The following ZNF71 variants were observed in gnomAD, a reference collection of about 807,000 sequenced individuals.
The protein encoded by ZNF71 is endothelial zinc finger protein induced by tumor necrosis factor alpha.
ZNF71 carries 3 observed loss-of-function variants against 6.7 expected under a neutral mutation model. The observed-to-expected ratio is 0.45, with a 90% confidence interval of 0.20 to 1.16. The LOEUF (loss-of-function observed/expected upper bound fraction) is 1.16. Among genes scored for constraint, ZNF71 ranks in the 50% most tolerant of loss-of-function variants. The probability of loss-of-function intolerance (pLI) is 0.25; values close to 1 mark genes in which losing one functional copy is unlikely to be tolerated. For synonymous variants in ZNF71, 343 were observed against 311.1 expected, an observed-to-expected ratio of 1.10 and a Z score of -1.08; for missense variants, 688 against 728.6, an observed-to-expected ratio of 0.94 and a Z score of 0.64.
intron 3 of ZNF71, 63 bp downstream of exon 3, chr19:56,614,001 T>TAAA: frequency 1.1e-6 from 1 of 904,346 alleles, no homozygotes. Context: ...ACAAATAAAT[T>TAAA]AAAAAAAAAA....
Position 56,618,324 on chromosome 19 carries a change from G to C in ZNF71, c.161-2944G>C, listed in dbSNP as rs1277267264. Reference sequence around the variant, plus strand: ...AGGATGGTCATAACTATCTACTACTGTATGTAACTCAAGTATGATTGTGAG... The same window carrying C: ...AGGATGGTCATAACTATCTACTACTCTATGTAACTCAAGTATGATTGTGAG... On this transcript the variant is annotated intron_variant, in intron 3 of 3. Coordinates refer to ENST00000599599, the MANE Select transcript of ZNF71 (RefSeq NM_001370215.1). The surrounding 1 kb of genome is among the most constrained non-coding windows in gnomAD (Gnocchi z 4.6). Among the ~76,000 whole-genome samples the C allele has an allele frequency of 6.6e-6, 1 of 152,150 alleles. No individual in the cohort carries two copies. Among genetic ancestry groups the C allele is most frequent in the South Asian group, 2.1e-4 (1 of 4,826 alleles).
At position 56,598,808 on chromosome 19, in the gene ZNF71, T is replaced by C. The variant is rs966880454; in HGVS notation, c.-52-2699T>C. On this transcript the variant is annotated intron_variant, in intron 1 of 3. Coordinates refer to ENST00000599599, the MANE Select transcript of ZNF71 (RefSeq NM_001370215.1). This position sits in a 1 kb window ranked among gnomAD's most constrained non-coding sequence, Gnocchi z 4.2. ...TTCTGCCAACTTGGCCTTATATATATGCCCCCCTACAATTAAAATTACTTT... is the reference window on the plus strand; with the variant it reads ...TTCTGCCAACTTGGCCTTATATATACGCCCCCCTACAATTAAAATTACTTT... Among the ~76,000 whole-genome samples the C allele has an allele frequency of 6.9e-6, 1 of 145,052 alleles. No individual in the cohort carries two copies. The highest frequency in any genetic ancestry group is 2.7e-5 in the African/African-American group (1 of 37,626).
chr19:56,597,382 T>C (rs1238917780), intron 1 of ZNF71, among the ~76,000 whole-genome samples: 1 of 152,176 alleles, frequency 6.6e-6, no homozygotes, highest in Non-Finnish European at 1.5e-5. Context: ...GGGAAACAAT[T>C]CAAAGGAAGA....
At position 56,622,007 on chromosome 19, in the gene ZNF71, G is replaced by A; in HGVS notation, c.900G>A (p.Lys300=). 2 of 1,613,248 alleles carry A rather than the reference G, an allele frequency of 1.2e-6. No homozygotes were observed. The highest frequency in any genetic ancestry group is 2.7e-5 in the African/African-American group (2 of 74,992). The change falls in exon 4 of 4, where the codon AAG becomes AAA. Residue 300 remains lysine, a synonymous_variant. Coordinates refer to ENST00000599599, the MANE Select transcript of ZNF71 (RefSeq NM_001370215.1). ...TQHERIHTGE[K]PYACGDCGKA... ...ACGAGCGGATCCACACGGGGGAGAA[G>A]CCCTACGCGTGCGGGGACTGCGGCA...
chr19:56,619,473 A>C (rs540868424), intron 3 of ZNF71, among the ~76,000 whole-genome samples: 1 of 152,306 alleles, frequency 6.6e-6, no homozygotes, highest in African/African-American at 2.4e-5. Flanking sequence ...TTTTTTAAAA[A>C]ATGTTTTTCA....
intron 2 of ZNF71, among the ~76,000 whole-genome samples, chr19:56,606,143 A>T (rs886298001): frequency 1.3e-5 from 2 of 152,210 alleles, no homozygotes; most frequent in Non-Finnish European, 2.9e-5. Flanking sequence ...AGTTATTTTT[A>T]TCATTATTTA....
Position 56,622,597 on chromosome 19 carries a change from C to T in ZNF71, c.1490C>T (p.Pro497Leu). The change falls in exon 4 of 4, where the codon CCG (proline) becomes CTG (leucine). Residue 497 changes from proline (P) to leucine (L), a missense_variant. By Grantham distance (98) the Pro-to-Leu change is moderately conservative. Transcript: ENST00000599599. ...CAGCGGATCCACACCGGCGAGAAGC[C>T]GTACAGGTGCGGCCAGTGCGGGAAG... The part of the protein sequence containing the change: ...EHQRIHTGEK[P>L]YRCGQCGKSF... 1 of 1,613,678 alleles carries T rather than the reference C, an allele frequency of 6.2e-7. No individual in the cohort carries two copies. The highest frequency in any genetic ancestry group is 8.5e-7 in the Non-Finnish European group (1 of 1,179,648).
chr19:56,599,854 C>T (rs1041219002), intron 1 of ZNF71, among the ~76,000 whole-genome samples: 6 of 151,768 alleles, frequency 4.0e-5, no homozygotes, highest in African/African-American at 9.7e-5. Flanking sequence ...CCACCACACC[C>T]GGCTAATTTT....
intron 2 of ZNF71, among the ~76,000 whole-genome samples, chr19:56,606,979 A>G (rs1568505013): frequency 3.3e-5 from 5 of 152,124 alleles, no homozygotes; most frequent in Admixed American, 3.3e-4. Flanking sequence ...CCCACTTACT[A>G]TTGTCTACCA....
At position 56,621,215 on chromosome 19, in the gene ZNF71, T is replaced by C; in HGVS notation, c.161-53T>C. On this transcript the variant is annotated intron_variant, in intron 3 of 3. Transcript: ENST00000599599. ...CCTTCCTGCTGTGGAGCTTCCTCAC[T>C]CCCAGCATCTTTAACTACATGTATT... The C allele has an allele frequency of 5.3e-6, 8 of 1,499,466 alleles. No individual in the cohort carries two copies. In the South Asian group the frequency reaches 1.1e-4, roughly 21 times the overall value. The allele number at this position is 1,499,466 out of a possible 1,614,324, so 92.9% of individuals were successfully genotyped here. A position where few individuals can be genotyped will look rare whatever the true frequency, so the allele number is the denominator to read the frequency against.
intron 3 of ZNF71, 42 bp from the exon 4 acceptor site, chr19:56,621,226 T>G (rs71352893): frequency 0.011 from 16,876 of 1,509,542 alleles, 112 homozygotes; most frequent in Non-Finnish European, 0.013. Context: ...CCCAGCATCT[T>G]TAACTACATG....
chr19:56,607,840 G>T lies in ZNF71; in HGVS notation c.34-5972G>T, dbSNP rs1181307539. ...TCAGGAATGGGGCAGTGGCATGGCT[G>T]TGGCTCAAGATCTTCAGTCTTCTCA... On this transcript the variant is annotated intron_variant, in intron 2 of 3. Transcript: ENST00000599599. Among the ~76,000 whole-genome samples, 4 of 152,186 alleles carry T rather than the reference G, an allele frequency of 2.6e-5. No homozygotes were observed. In the South Asian group the frequency reaches 6.2e-4, roughly 24 times the overall value.
chr19:56,622,838 A>T lies in ZNF71; in HGVS notation c.*81A>T, dbSNP rs1600601479. On this transcript the variant is annotated 3_prime_UTR_variant, in exon 4 of 4. Coordinates refer to ENST00000599599, the MANE Select transcript of ZNF71 (RefSeq NM_001370215.1). ...CGCGCTTTGTCAGCAGTGCTGTGAG[A>T]AGTTCTCCCCTGGGGTGGGGACTCG... 1.3e-6 allele frequency: 2 copies of T among 1,517,162 alleles called. No homozygotes were observed. The highest frequency in any genetic ancestry group is 1.8e-6 in the Non-Finnish European group (2 of 1,130,236). The allele number at this position is 1,517,162 out of a possible 1,614,324, so 94.0% of individuals were successfully genotyped here. A position where few individuals can be genotyped will look rare whatever the true frequency, so the allele number is the denominator to read the frequency against.
At chr19:56,599,389 C>T (rs2044649646) in intron 1 of ZNF71, among the ~76,000 whole-genome samples, 1 of 151,956 alleles carries the variant, frequency 6.6e-6, no homozygotes, top group African/African-American at 2.4e-5. Context: ...TGTGTGACTG[C>T]TGTAAAAGAA....
At chr19:56,600,103 T>TTG (rs1568503326) in intron 1 of ZNF71, among the ~76,000 whole-genome samples, 1 of 131,792 alleles carries the variant, frequency 7.6e-6, no homozygotes, top group African/African-American at 2.8e-5. Context: ...TTTGTTTTTT[T>TTG]TTTTTTTTTT....
intron 2 of ZNF71, among the ~76,000 whole-genome samples, chr19:56,604,018 G>A (rs1270838593): frequency 6.6e-6 from 1 of 152,192 alleles, no homozygotes. Context: ...GGAAGGCTGT[G>A]TTCTGTGTCT....
intron 1 of ZNF71, among the ~76,000 whole-genome samples, chr19:56,599,696 G>GTTTTTTTT (rs199608642): frequency 7.5e-6 from 1 of 133,252 alleles, no homozygotes. Context: ...TTAGTGTTTT[G>GTTTTTTTT]TTTTTTTTTT....
intron 3 of ZNF71, among the ~76,000 whole-genome samples, chr19:56,616,794 A>C (rs2044795612): frequency 6.6e-6 from 1 of 151,988 alleles, no homozygotes; most frequent in African/African-American, 2.4e-5. Flanking sequence ...ACTGTACCTC[A>C]ATTTACCTTT....
rs750141095 is a variant in ZNF71 at position 56,614,093 on chromosome 19, T to C, written c.160+155T>C. On this transcript the variant is annotated intron_variant, in intron 3 of 3. Coordinates refer to ENST00000599599, the MANE Select transcript of ZNF71 (RefSeq NM_001370215.1). ...AAAAATAAAGTTGATCACGATGGTA[T>C]GGGAAATAATATTTCTCACGTGTTT... 24 of 506,256 alleles carry C rather than the reference T, an allele frequency of 4.7e-5. 1 individual carries two copies. Among genetic ancestry groups the C allele is most frequent in the Non-Finnish European group, 6.2e-5 (24 of 390,090 alleles). 31.4% of individuals were successfully genotyped at this position (506,256 alleles called of 1,614,324 possible).
Sources: allele counts gnomAD v4.1 joint callset (sites outside exome capture counted in the v4.1 genomes callset), GRCh38; gene constraint gnomAD v4.1.1; non-coding constraint Gnocchi (gnomAD v3.1); transcripts MANE v1.5; gene names NCBI Gene and HGNC (gene_info 2026-07-23, HGNC 2026-07-21).